PABIR3: variants seen among roughly 807,000 people sequenced by gnomAD.
PABIR3 encodes PABIR family member 3, also known as PABIR family member 1.
A neutral mutation model predicts 23.1 loss-of-function variants in PABIR3; 20 were observed. That is an observed-to-expected ratio of 0.86 (90% CI 0.61 to 1.26). The LOEUF is 1.26. Among genes scored for constraint, PABIR3 ranks in the 50% most tolerant of loss-of-function variants. PABIR3 has a pLI of 0.00. For missense variants in PABIR3, 189 were observed against 195.4 expected (o/e 0.97, Z 0.20); for synonymous variants, 69 against 68.5 (o/e 1.01, Z -0.04).
At chrX:134,837,073 C>T (rs1334344405) in intron 4 of PABIR3, among the ~76,000 whole-genome samples, 3 of 110,664 alleles carry the variant, frequency 2.7e-5, no homozygotes, top group Non-Finnish European at 3.8e-5. Context: ...TGGCCGGGCA[C>T]GGTGGCTCAC....
At chrX:134,851,149 A>G (rs1240918501) in intron 9 of PABIR3, among the ~76,000 whole-genome samples, 1 of 110,937 alleles carries the variant, frequency 9.0e-6, no homozygotes, top group African/African-American at 3.3e-5. Context: ...AAAAAGAATG[A>G]TGATTATGTG....
chrX:134,860,346 C>T, the PABIR3 span, among the ~76,000 whole-genome samples: 2 of 111,937 alleles, frequency 1.8e-5, no homozygotes, highest in African/African-American at 6.5e-5. Context: ...GCCTTGGCCT[C>T]CCAAAGTACT....
At chrX:134,831,227 C>T (rs763808600) in intron 4 of PABIR3, among the ~76,000 whole-genome samples, 20 of 109,866 alleles carry the variant, frequency 1.8e-4, no homozygotes, top group Middle Eastern at 9.3e-3. Flanking sequence ...CCACCACACC[C>T]GGCTAATTTT....
intron 2 of PABIR3, chrX:134,810,276 T>G: frequency 1.3e-6 from 1 of 754,456 alleles, no homozygotes. Flanking sequence ...TGCTTTGTTC[T>G]GCAAAGGATT....
At chrX:134,855,172 T>C (rs1006887110), downstream of PABIR3, among the ~76,000 whole-genome samples, 13 of 111,002 alleles carry the variant, frequency 1.2e-4, no homozygotes, top group Middle Eastern at 4.6e-3. Context: ...TGGTGGCTCA[T>C]GCCTGTAATC....
chrX:134,831,175 T>G (rs748048855), intron 4 of PABIR3, among the ~76,000 whole-genome samples: 76 of 110,222 alleles, frequency 6.9e-4, no homozygotes, highest in African/African-American at 2.4e-3. Context: ...CAAGGGATTC[T>G]CCTGCCTCAG....
chrX:134,832,051 G>A (rs1197530026), intron 4 of PABIR3, among the ~76,000 whole-genome samples: 1 of 111,085 alleles, frequency 9.0e-6, no homozygotes, highest in African/African-American at 3.3e-5. Flanking sequence ...GCTGAGGTGG[G>A]CAGATCACTT....
At chrX:134,796,480 G>T, upstream of PABIR3, 1 of 309,153 alleles carries the variant, frequency 3.2e-6, no homozygotes, top group Non-Finnish European at 5.7e-6. Flanking sequence ...TGAAGGAAAA[G>T]GATGAAGGAA....
chrX:134,838,508 T>A (rs2082046125), intron 4 of PABIR3, among the ~76,000 whole-genome samples: 1 of 109,068 alleles, frequency 9.2e-6, no homozygotes, highest in Non-Finnish European at 1.9e-5. Context: ...TTTCACCGTG[T>A]TAGCCAGGAT....
intron 2 of PABIR3, chrX:134,810,658 C>A: frequency 5.3e-6 from 4 of 754,310 alleles, no homozygotes; most frequent in Non-Finnish European, 4.7e-6. Flanking sequence ...ATTTTCACCT[C>A]AGTTCTCATT....
In PABIR3 at chrX:134,821,936, A is replaced by C. The variant is rs1174035494; in HGVS notation, c.189+7087A>C. 15 of 763,662 alleles carry C rather than the reference A, an allele frequency of 2.0e-5. No homozygotes were observed. The African/African-American group carries it at 3.2e-4, about 16-fold the overall frequency. The allele number at this position is 763,662 out of a possible 1,213,427, so 62.9% of individuals were successfully genotyped here. Reference sequence around the variant, plus strand: ...CCTAGGAAAATGAAAAATAATTTTTAAAAATCTTAATGTCTTTACAATATG... The same window carrying C: ...CCTAGGAAAATGAAAAATAATTTTTCAAAATCTTAATGTCTTTACAATATG... On this transcript the variant is annotated intron_variant, in intron 3 of 10. Coordinates refer to ENST00000645433, the MANE Select transcript of PABIR3 (RefSeq NM_001388447.1).
At chrX:134,807,026 G>C (rs1445780020), upstream of PABIR3, 1 of 247,416 alleles carries the variant, frequency 4.0e-6, no homozygotes, top group South Asian at 2.0e-4. Context: ...GCACAACCAC[G>C]GTAAGTGGGC....
intron 1 of PABIR3, among the ~76,000 whole-genome samples, chrX:134,801,568 A>T (rs2080065247): frequency 8.9e-6 from 1 of 112,334 alleles, no homozygotes. Flanking sequence ...AGAGGGGGCA[A>T]GCCATGCGGG....
chrX:134,848,859 C>T (rs1361146633), intron 8 of PABIR3, among the ~76,000 whole-genome samples: 6 of 110,944 alleles, frequency 5.4e-5, no homozygotes, highest in African/African-American at 2.0e-4. Flanking sequence ...CAAAATTAGC[C>T]GAGTGTGGTG....
At position 134,801,360 on chromosome X, in the gene PABIR3, G is replaced by A. The variant is rs192149645; in HGVS notation, c.-97-2741G>A. 4.5e-4 allele frequency among the ~76,000 whole-genome samples: 50 copies of A among 112,226 alleles called. 1 individual carries two copies. Among genetic ancestry groups the A allele is most frequent in the Admixed American group, 4.2e-3 (45 of 10,609 alleles). ...GATAGGCAGCATTTTAACTCAAAAGGGAAGTTTATAATACTTGCCACCTCC... is the reference window on the plus strand; with the variant it reads ...GATAGGCAGCATTTTAACTCAAAAGAGAAGTTTATAATACTTGCCACCTCC... On this transcript the variant is annotated intron_variant, in intron 1 of 4. Transcript: ENST00000414371.
chrX:134,859,974 T>C, the PABIR3 span, among the ~76,000 whole-genome samples: 1 of 111,628 alleles, frequency 9.0e-6, no homozygotes, highest in Admixed American at 9.6e-5. Flanking sequence ...AGAGGAAGGG[T>C]TTAGTTTGCT....
intron 4 of PABIR3, chrX:134,839,200 G>C (rs1335709610): frequency 8.7e-6 from 1 of 114,984 alleles, no homozygotes; most frequent in East Asian, 3.0e-4. Flanking sequence ...GCCCAGTCTG[G>C]AAAGTGAGGA....
chrX:134,849,111 A>T (rs1179260345), intron 8 of PABIR3, 56 bp from the exon 9 acceptor site: 3 of 564,485 alleles, frequency 5.3e-6, no homozygotes, highest in African/African-American at 2.4e-5. Flanking sequence ...TGAAATAGTC[A>T]TTGTTGATTT....
chrX:134,858,659 C>A (rs186443643), downstream of PABIR3, among the ~76,000 whole-genome samples: 7 of 111,858 alleles, frequency 6.3e-5, no homozygotes, highest in East Asian at 2.0e-3. Flanking sequence ...TGGATAGTTA[C>A]AATTGTGCAT....
Sources: gnomAD v4.1 joint callset for allele counts (sites outside exome capture counted in the v4.1 genomes callset) on GRCh38, gnomAD v4.1.1 for gene constraint, MANE v1.5 for transcripts, NCBI Gene and HGNC (gene_info 2026-07-23, HGNC 2026-07-21) for gene names.